Variants in THSD7A observed in about 807,000 individuals in gnomAD.
THSD7A encodes thrombospondin type 1 domain containing 7A, also known as thrombospondin type-1 domain-containing protein 7A.
THSD7A carries 96 observed loss-of-function variants against 231.3 expected under a neutral mutation model. The observed-to-expected ratio is 0.41, with a 90% CI of 0.35 to 0.49. The LOEUF (loss-of-function observed/expected upper bound fraction) is 0.49. THSD7A is among the 20% of genes least tolerant of loss of function. THSD7A has a pLI of 0.05. For missense variants in THSD7A, 2,290 were observed against 2,070.2 expected, an observed-to-expected ratio of 1.11 and a Z score of -2.06; for synonymous variants, 940 against 743.3, an observed-to-expected ratio of 1.26 and a Z score of -4.30.
chr7:11,764,149 T>A (rs1782953123), intron 1 of THSD7A, among the ~76,000 whole-genome samples: 1 of 152,182 alleles, frequency 6.6e-6, no homozygotes, highest in African/African-American at 2.4e-5. Flanking sequence ...AATCCTACCT[T>A]AAATTAAATG....
intron 9 of THSD7A, among the ~76,000 whole-genome samples, chr7:11,465,030 T>C (rs9639094): frequency 0.11 from 16,087 of 152,220 alleles, 945 homozygotes; most frequent in East Asian, 0.21. Context: ...GGGAATTTTA[T>C]ACCTTTCATC....
intron 2 of THSD7A, among the ~76,000 whole-genome samples, chr7:11,618,201 A>G (rs1270965683): frequency 6.6e-6 from 1 of 152,232 alleles, no homozygotes; most frequent in Middle Eastern, 3.2e-3. Flanking sequence ...CCAACAATAA[A>G]GAATTTAAGA....
chr7:11,494,109 G>A (rs1787004851), intron 6 of THSD7A, among the ~76,000 whole-genome samples: 1 of 151,876 alleles, frequency 6.6e-6, no homozygotes, highest in Non-Finnish European at 1.5e-5. Context: ...ATTACATTAG[G>A]CTACAGATAT....
intron 1 of THSD7A, among the ~76,000 whole-genome samples, chr7:11,753,115 T>G (rs1782558931): frequency 6.6e-6 from 1 of 152,144 alleles, no homozygotes; most frequent in African/African-American, 2.4e-5. Flanking sequence ...CTTTATAGCA[T>G]GTGTATAATT....
intron 2 of THSD7A, among the ~76,000 whole-genome samples, chr7:11,633,534 A>G (rs1387182876): frequency 1.3e-5 from 2 of 152,176 alleles, no homozygotes; most frequent in African/African-American, 4.8e-5. Context: ...CAGAAAGTTC[A>G]GGCTACTCTT....
At chr7:11,425,250 T>A (rs1784280619) in intron 15 of THSD7A, among the ~76,000 whole-genome samples, 1 of 152,150 alleles carries the variant, frequency 6.6e-6, no homozygotes, top group Admixed American at 6.5e-5. Flanking sequence ...GATTGATGAA[T>A]CAAATAAGTA....
At chr7:11,718,500 C>T (rs1002472545) in intron 1 of THSD7A, among the ~76,000 whole-genome samples, 1 of 151,546 alleles carries the variant, frequency 6.6e-6, no homozygotes, top group African/African-American at 2.4e-5. Context: ...TTAAAAGTTG[C>T]ATTCCATGGA....
chr7:11,773,126 T>G (rs985739410), intron 1 of THSD7A, among the ~76,000 whole-genome samples: 4 of 152,148 alleles, frequency 2.6e-5, no homozygotes, highest in African/African-American at 9.7e-5. Context: ...AAAGAAAGGA[T>G]GAATATTTTT....
rs374949163 is a variant in THSD7A, at chr7:11,476,546, G to C, written c.2018-1978C>G. ...GATTGTGTAGAAAGCACCAGGTACA[G>C]TGGCTCGTGCCTGTACTTCCAGCAC... On this transcript the variant is annotated intron_variant, in intron 7 of 27. Coordinates refer to ENST00000423059, the MANE Select transcript of THSD7A (RefSeq NM_015204.3). 3.9e-5 allele frequency among the ~76,000 whole-genome samples: 6 copies of C among 152,150 alleles called. No homozygotes were observed. The East Asian group carries it at 7.7e-4, about 20-fold the overall frequency.
chr7:11,647,164 T>C (rs187237109), intron 1 of THSD7A, among the ~76,000 whole-genome samples: 53 of 152,166 alleles, frequency 3.5e-4, no homozygotes, highest in Middle Eastern at 6.8e-3. Context: ...TCTACCATTC[T>C]ACCATTAAAT....
At chr7:11,409,531 G>A (rs568054109) in intron 19 of THSD7A, among the ~76,000 whole-genome samples, 12 of 152,198 alleles carry the variant, frequency 7.9e-5, no homozygotes, top group African/African-American at 2.2e-4. Flanking sequence ...TCAAGAATTC[G>A]GTTTCCAGCT....
At chr7:11,660,945 G>A (rs564760178) in intron 1 of THSD7A, among the ~76,000 whole-genome samples, 13 of 151,446 alleles carry the variant, frequency 8.6e-5, no homozygotes, top group African/African-American at 2.2e-4. Context: ...CCAAGATCTC[G>A]GACAAAAATG....
intron 6 of THSD7A, among the ~76,000 whole-genome samples, chr7:11,527,771 C>T (rs1270564882): frequency 6.6e-6 from 1 of 152,178 alleles, no homozygotes; most frequent in Non-Finnish European, 1.5e-5. Context: ...CTTTCCCTCT[C>T]CTCTCTTTCT....
chr7:11,716,759 T>A (rs1781151271), intron 1 of THSD7A, among the ~76,000 whole-genome samples: 1 of 151,656 alleles, frequency 6.6e-6, no homozygotes, highest in South Asian at 2.1e-4. Flanking sequence ...CTTACTCCAA[T>A]GCCTTATGTA....
chr7:11,545,399 A>C (rs1562705204), intron 4 of THSD7A, among the ~76,000 whole-genome samples: 1 of 152,182 alleles, frequency 6.6e-6, no homozygotes, highest in Non-Finnish European at 1.5e-5. Flanking sequence ...AACTTTAGGA[A>C]GCAAACATTG....
chr7:11,586,792 C>T (rs1009528989), intron 4 of THSD7A, among the ~76,000 whole-genome samples: 1 of 151,984 alleles, frequency 6.6e-6, no homozygotes, highest in Non-Finnish European at 1.5e-5. Context: ...TCCGTCTATC[C>T]ATTCACAGTT....
chr7:11,544,637 T>G (rs1051035289), intron 4 of THSD7A, among the ~76,000 whole-genome samples: 2 of 152,224 alleles, frequency 1.3e-5, no homozygotes, highest in Admixed American at 1.3e-4. Context: ...TAAGCACTTT[T>G]ACATCCTATA....
intron 1 of THSD7A, among the ~76,000 whole-genome samples, chr7:11,674,606 C>A (rs189645088): frequency 6.6e-6 from 1 of 152,246 alleles, no homozygotes; most frequent in Non-Finnish European, 1.5e-5. Flanking sequence ...CCTCTGAAGA[C>A]ACAAAGACAC....
chr7:11,394,950 C>G (rs561368586), intron 23 of THSD7A, among the ~76,000 whole-genome samples: 66 of 152,282 alleles, frequency 4.3e-4, no homozygotes, highest in African/African-American at 1.4e-3. Context: ...ATGACAGGAT[C>G]AAATTCACAT....
Sources: allele counts gnomAD v4.1 joint callset (sites outside exome capture counted in the v4.1 genomes callset), GRCh38; gene constraint gnomAD v4.1.1; transcripts MANE v1.5; gene names NCBI Gene and HGNC (gene_info 2026-07-23, HGNC 2026-07-21).